The following FARS2 variants were observed in gnomAD, a reference collection of about 807,000 sequenced individuals.
The protein encoded by FARS2 is phenylalanine--tRNA ligase, mitochondrial.
A neutral mutation model predicts 46.4 loss-of-function variants in FARS2; 40 were observed. The ratio of observed to expected loss-of-function variants is 0.86; its 90% CI spans 0.67 to 1.12. FARS2 has a LOEUF of 1.12. FARS2 is among the 50% of genes most tolerant of loss of function. The pLI is 0.00. For synonymous variants in FARS2, 234 were observed against 214.9 expected, an observed-to-expected ratio of 1.09 and a Z score of -0.78; for missense variants, 513 against 567.9, an observed-to-expected ratio of 0.90 and a Z score of 0.98.
At chr6:5,508,121 TGG>T (rs1279290348) in intron 4 of FARS2, among the ~76,000 whole-genome samples, 1 of 152,244 alleles carries the variant, frequency 6.6e-6, no homozygotes, top group Non-Finnish European at 1.5e-5. Flanking sequence ...CATATTCTAA[TGG>T]GGAGTTATTA....
intron 4 of FARS2, among the ~76,000 whole-genome samples, chr6:5,498,026 T>C (rs564214593): frequency 6.6e-6 from 1 of 152,320 alleles, no homozygotes; most frequent in Non-Finnish European, 1.5e-5. Flanking sequence ...TCTGATCACA[T>C]CTGCTTTCAC....
intron 6 of FARS2, among the ~76,000 whole-genome samples, chr6:5,688,879 G>A (rs561670643): frequency 6.6e-6 from 1 of 152,076 alleles, no homozygotes; most frequent in Non-Finnish European, 1.5e-5. Flanking sequence ...CAATTTCAGA[G>A]CCTGTTATTG....
intron 2 of FARS2, among the ~76,000 whole-genome samples, 174 bp from the exon 3 acceptor site, chr6:5,404,368 C>T (rs1761431459): frequency 6.6e-6 from 1 of 152,164 alleles, no homozygotes; most frequent in South Asian, 2.1e-4. Context: ...GTGTTTTCTT[C>T]AGAGTTGTAC....
At chr6:5,251,961 G>T in the FARS2 span, among the ~76,000 whole-genome samples, 10 of 152,290 alleles carry the variant, frequency 6.6e-5, no homozygotes, top group African/African-American at 1.7e-4. Flanking sequence ...GGCTCAAAAA[G>T]AAAACAGATT....
chr6:5,437,740 G>A (rs974345457), intron 4 of FARS2, among the ~76,000 whole-genome samples: 4 of 151,846 alleles, frequency 2.6e-5, no homozygotes, highest in Non-Finnish European at 5.9e-5. Context: ...TGAAAACCTC[G>A]TGATTCAATG....
At chr6:5,712,079 AT>A (rs1212501081) in intron 6 of FARS2, among the ~76,000 whole-genome samples, 2 of 152,214 alleles carry the variant, frequency 1.3e-5, no homozygotes, top group Non-Finnish European at 2.9e-5. Flanking sequence ...GGCAATAAAT[AT>A]TTTTTAAAGC....
chr6:5,640,358 G>A (rs1776756241), intron 6 of FARS2, among the ~76,000 whole-genome samples: 1 of 152,152 alleles, frequency 6.6e-6, no homozygotes, highest in Non-Finnish European at 1.5e-5. Flanking sequence ...TAAAGGAGAT[G>A]CAGCAGATCT....
At chr6:5,593,394 G>C (rs1286657166) in intron 5 of FARS2, among the ~76,000 whole-genome samples, 1 of 152,078 alleles carries the variant, frequency 6.6e-6, no homozygotes, top group African/African-American at 2.4e-5. Flanking sequence ...AGTGATACCT[G>C]TAAGAGAAGG....
intron 2 of FARS2, among the ~76,000 whole-genome samples, chr6:5,376,194 G>A (rs559992388): frequency 1.3e-5 from 2 of 152,236 alleles, no homozygotes; most frequent in East Asian, 1.9e-4. Context: ...GAGCACACGT[G>A]TGTGCTTTTA....
At chr6:5,651,648 T>A (rs909161752) in intron 6 of FARS2, among the ~76,000 whole-genome samples, 7 of 152,160 alleles carry the variant, frequency 4.6e-5, no homozygotes, top group Non-Finnish European at 7.3e-5. Context: ...ATTAAGTAAT[T>A]GCAAACCTAA....
chr6:5,559,231 C>T (rs1441062146), intron 5 of FARS2, among the ~76,000 whole-genome samples: 2 of 151,752 alleles, frequency 1.3e-5, no homozygotes, highest in East Asian at 1.9e-4. Context: ...AGAGAGACCC[C>T]GTCTTTACAG....
At chr6:5,273,742 T>C (rs945004106) in intron 1 of FARS2, among the ~76,000 whole-genome samples, 1 of 152,216 alleles carries the variant, frequency 6.6e-6, no homozygotes, top group African/African-American at 2.4e-5. Context: ...AAAAAATCTT[T>C]GCCCAGACCA....
intron 6 of FARS2, among the ~76,000 whole-genome samples, chr6:5,680,693 G>A (rs911327154): frequency 8.1e-5 from 12 of 148,544 alleles, no homozygotes; most frequent in Non-Finnish European, 1.6e-4. Flanking sequence ...TTCTAATTTT[G>A]TTTTCATGCA....
At chr6:5,265,429 A>G (rs1765485933) in intron 1 of FARS2, among the ~76,000 whole-genome samples, 1 of 152,158 alleles carries the variant, frequency 6.6e-6, no homozygotes, top group Non-Finnish European at 1.5e-5. Flanking sequence ...GGAATAAATC[A>G]TTTCTTCCCT....
At chr6:5,741,031 G>A (rs1393517715) in intron 6 of FARS2, among the ~76,000 whole-genome samples, 3 of 152,134 alleles carry the variant, frequency 2.0e-5, no homozygotes, top group African/African-American at 7.2e-5. Flanking sequence ...CACAGACTGC[G>A]GCAGGGTCCC....
At chr6:5,545,511 A>G (rs1323331856) in intron 5 of FARS2, among the ~76,000 whole-genome samples, 171 bp downstream of exon 5, 6 of 152,130 alleles carry the variant, frequency 3.9e-5, no homozygotes, top group African/African-American at 1.4e-4. Flanking sequence ...TTGCATAGGT[A>G]TACGTGTGCC....
intron 1 of FARS2, among the ~76,000 whole-genome samples, chr6:5,352,928 A>C (rs1299529075): frequency 6.6e-6 from 1 of 152,134 alleles, no homozygotes; most frequent in East Asian, 1.9e-4. Context: ...AAACCTTCAA[A>C]ATCCCTTCTT....
intron 1 of FARS2, among the ~76,000 whole-genome samples, chr6:5,281,916 A>G (rs1485042996): frequency 6.6e-6 from 1 of 152,204 alleles, no homozygotes; most frequent in Non-Finnish European, 1.5e-5. Context: ...ATTTAAGAAA[A>G]CAATAATTCT....
chr6:5,686,342 T>TCC (rs369821944), intron 6 of FARS2, among the ~76,000 whole-genome samples: 2,069 of 148,120 alleles, frequency 0.014, 108 homozygotes, highest in African/African-American at 0.047. Flanking sequence ...CCTAATGCTC[T>TCC]CCCCCCCCGC....
Sources: allele counts gnomAD v4.1 joint callset (sites outside exome capture counted in the v4.1 genomes callset), GRCh38; gene constraint gnomAD v4.1.1; transcripts MANE v1.5; gene names NCBI Gene and HGNC (gene_info 2026-07-23, HGNC 2026-07-21).